Variants in AGMO observed in about 807,000 individuals in gnomAD.
The protein encoded by AGMO is glyceryl-ether monooxygenase.
A neutral mutation model predicts 60.2 loss-of-function variants in AGMO; 75 were observed. The ratio of observed to expected loss-of-function variants is 1.25; its 90% CI spans 1.03 to 1.51. The LOEUF (loss-of-function observed/expected upper bound fraction) is 1.51. Among genes scored for constraint, AGMO ranks in the 40% most tolerant of loss-of-function variants. The pLI is 0.00. For missense variants in AGMO, 763 were observed against 525.5 expected, an observed-to-expected ratio of 1.45 and a Z score of -4.42; for synonymous variants, 261 against 177.1, an observed-to-expected ratio of 1.47 and a Z score of -3.76.
At chr7:15,376,273 G>C (rs530080338) in intron 10 of AGMO, among the ~76,000 whole-genome samples, 4 of 152,092 alleles carry the variant, frequency 2.6e-5, no homozygotes, top group African/African-American at 7.2e-5. Flanking sequence ...GAGAAAAACA[G>C]TATACCCTGG....
chr7:15,333,015 T>A (rs1474771092), intron 12 of AGMO, among the ~76,000 whole-genome samples: 2 of 152,160 alleles, frequency 1.3e-5, no homozygotes, highest in Non-Finnish European at 2.9e-5. Flanking sequence ...AAACTCTTCA[T>A]AAACTCTAGA....
At chr7:15,152,093 G>C in the AGMO span, among the ~76,000 whole-genome samples, 1 of 152,078 alleles carries the variant, frequency 6.6e-6, no homozygotes, top group Non-Finnish European at 1.5e-5. Flanking sequence ...ATATAGTTAA[G>C]ATAGTTAAAT....
At chr7:15,367,942 G>C (rs1232341597) in intron 10 of AGMO, among the ~76,000 whole-genome samples, 1 of 152,014 alleles carries the variant, frequency 6.6e-6, no homozygotes, top group African/African-American at 2.4e-5. Flanking sequence ...GTAAACAAAA[G>C]CCACCAGTCA....
intron 10 of AGMO, among the ~76,000 whole-genome samples, chr7:15,367,110 C>G (rs1329341305): frequency 6.6e-6 from 1 of 151,862 alleles, no homozygotes; most frequent in African/African-American, 2.4e-5. Context: ...TGTTTTTGGA[C>G]TCTCAGTCAA....
At chr7:15,207,761 C>A (rs569208577) in intron 12 of AGMO, among the ~76,000 whole-genome samples, 95 of 152,164 alleles carry the variant, frequency 6.2e-4, no homozygotes, top group African/African-American at 2.2e-3. Context: ...GGTGAAACCA[C>A]GTCTCTGCTA....
At chr7:15,240,402 T>C (rs1167557305) in intron 12 of AGMO, among the ~76,000 whole-genome samples, 1 of 152,214 alleles carries the variant, frequency 6.6e-6, no homozygotes, top group Non-Finnish European at 1.5e-5. Flanking sequence ...TGACAAGAAT[T>C]GAGAGAAGCT....
At position 15,329,984 on chromosome 7, in the gene AGMO, G is replaced by A. The variant is rs568308578; in HGVS notation, c.1263+35530C>T. On this transcript the variant is annotated intron_variant, in intron 12 of 12. Transcript: ENST00000342526. The stretch of plus-strand genomic sequence containing the variant: ...AGATGCTGCACTCAGGTAACTAATG[G>A]TCTAGTGGAAGGAAAAAATAACTAA... 3.3e-5 allele frequency among the ~76,000 whole-genome samples: 5 copies of A among 152,260 alleles called. No individual in the cohort carries two copies. In the South Asian group the frequency reaches 1.0e-3, roughly 32 times the overall value.
chr7:15,301,351 A>G (rs1041657842), intron 12 of AGMO, among the ~76,000 whole-genome samples: 2 of 152,114 alleles, frequency 1.3e-5, no homozygotes, highest in African/African-American at 2.4e-5. Context: ...TGGCAGAAGA[A>G]TCACGTGAAC....
At chr7:15,362,276 T>C (rs1782797408) in intron 12 of AGMO, among the ~76,000 whole-genome samples, 1 of 152,126 alleles carries the variant, frequency 6.6e-6, no homozygotes, top group African/African-American at 2.4e-5. Context: ...TGGTTGTAAT[T>C]TTTACCATGT....
At chr7:15,448,717 T>C (rs922856037) in intron 3 of AGMO, among the ~76,000 whole-genome samples, 2 of 151,228 alleles carry the variant, frequency 1.3e-5, no homozygotes, top group African/African-American at 4.9e-5. Context: ...ACACTATAAA[T>C]CCACTATTTT....
intron 5 of AGMO, among the ~76,000 whole-genome samples, chr7:15,403,975 G>C (rs185049452): frequency 5.3e-5 from 8 of 151,786 alleles, no homozygotes; most frequent in Non-Finnish European, 1.2e-4. Flanking sequence ...ATTTATTCAC[G>C]GCCAAATGTT....
intron 12 of AGMO, among the ~76,000 whole-genome samples, chr7:15,361,877 C>G (rs1782781012): frequency 6.6e-6 from 1 of 151,984 alleles, no homozygotes; most frequent in African/African-American, 2.4e-5. Flanking sequence ...CAACAGAAAA[C>G]CTCCAGCTAG....
chr7:15,553,164 A>G (rs1232848610), intron 2 of AGMO, among the ~76,000 whole-genome samples: 1 of 150,222 alleles, frequency 6.7e-6, no homozygotes, highest in Non-Finnish European at 1.5e-5. Context: ...CACTCTGGGG[A>G]CTGTTGTGGG....
At chr7:15,327,888 C>CA in intron 12 of AGMO, among the ~76,000 whole-genome samples, 1 of 151,134 alleles carries the variant, frequency 6.6e-6, no homozygotes, top group Admixed American at 6.6e-5. Context: ...CCTCAGCCTC[C>CA]TGGGTAGCTG....
intron 3 of AGMO, among the ~76,000 whole-genome samples, chr7:15,489,479 T>C (rs1783012321): frequency 6.6e-6 from 1 of 152,182 alleles, no homozygotes; most frequent in Non-Finnish European, 1.5e-5. Context: ...GACCTTTTGA[T>C]GCTTTTGTCC....
intron 3 of AGMO, among the ~76,000 whole-genome samples, chr7:15,450,392 C>T (rs1292979951): frequency 6.6e-6 from 1 of 150,814 alleles, no homozygotes; most frequent in African/African-American, 2.4e-5. Context: ...TGCACTCCAG[C>T]CTGGGCAACA....
intron 4 of AGMO, among the ~76,000 whole-genome samples, chr7:15,422,048 G>GA (rs1301538782): frequency 3.3e-5 from 5 of 151,536 alleles, no homozygotes; most frequent in African/African-American, 1.2e-4. Context: ...GATAGGAACT[G>GA]AAAAAAAATA....
intron 12 of AGMO, among the ~76,000 whole-genome samples, chr7:15,272,597 C>T (rs1425877651): frequency 1.3e-5 from 2 of 152,000 alleles, no homozygotes; most frequent in African/African-American, 2.4e-5. Context: ...TGTATGTGTG[C>T]ATGTATCTTT....
chr7:15,289,294 T>C (rs1424712630), intron 12 of AGMO, among the ~76,000 whole-genome samples: 1 of 151,534 alleles, frequency 6.6e-6, no homozygotes, highest in East Asian at 1.9e-4. Flanking sequence ...TGTTTCTTTA[T>C]AGAATTAAAT....
Sources: gnomAD v4.1 joint callset for allele counts (sites outside exome capture counted in the v4.1 genomes callset) on GRCh38, gnomAD v4.1.1 for gene constraint, MANE v1.5 for transcripts, NCBI Gene and HGNC (gene_info 2026-07-23, HGNC 2026-07-21) for gene names.